Variants in CNTN5 observed in about 807,000 individuals in gnomAD.
The protein encoded by CNTN5 is contactin-5.
CNTN5 carries 77 observed loss-of-function variants against 129.1 expected under a neutral mutation model. That is an observed-to-expected ratio of 0.60 (90% CI 0.50 to 0.72). The LOEUF (loss-of-function observed/expected upper bound fraction) is 0.72. Among genes scored for constraint, CNTN5 ranks in the 30% least tolerant of loss-of-function variants. The pLI is 0.00. For synonymous variants in CNTN5, 509 were observed against 465.6 expected (o/e 1.09, Z -1.20); for missense variants, 1,478 against 1,328.8 (o/e 1.11, Z -1.75).
intron 2 of CNTN5, among the ~76,000 whole-genome samples, chr11:99,444,150 G>A (rs1256720150): frequency 6.6e-6 from 1 of 152,020 alleles, no homozygotes; most frequent in Non-Finnish European, 1.5e-5. Flanking sequence ...AGTGAGCCGA[G>A]ATCGCCCCAC....
intron 1 of CNTN5, among the ~76,000 whole-genome samples, chr11:99,251,052 C>T (rs934358319): frequency 1.3e-4 from 20 of 151,848 alleles, no homozygotes; most frequent in Admixed American, 1.3e-3. Context: ...ATAATGATAA[C>T]TTTGCCGATG....
chr11:99,564,187 T>C (rs1948933493), intron 3 of CNTN5, among the ~76,000 whole-genome samples: 1 of 152,172 alleles, frequency 6.6e-6, no homozygotes, highest in South Asian at 2.1e-4. Flanking sequence ...GATCAAGTGA[T>C]CTTCTCACTT....
At chr11:99,786,240 G>A (rs182246108) in intron 3 of CNTN5, among the ~76,000 whole-genome samples, 40 of 152,206 alleles carry the variant, frequency 2.6e-4, no homozygotes, top group African/African-American at 7.0e-4. Flanking sequence ...AATCATTAGT[G>A]AACTCCCATT....
intron 1 of CNTN5, among the ~76,000 whole-genome samples, chr11:99,093,434 A>G (rs1327498202): frequency 7.4e-6 from 1 of 135,744 alleles, no homozygotes; most frequent in Non-Finnish European, 1.6e-5. Context: ...ATGTGTTGCT[A>G]TTGTTTTTCT....
chr11:100,188,776 C>T (rs1316284635), intron 13 of CNTN5, among the ~76,000 whole-genome samples: 2 of 152,162 alleles, frequency 1.3e-5, no homozygotes, highest in African/African-American at 2.4e-5. Flanking sequence ...AAATGAAATA[C>T]TCATATGTTC....
chr11:99,623,920 GT>G (rs1345520090), intron 3 of CNTN5, among the ~76,000 whole-genome samples: 1 of 152,062 alleles, frequency 6.6e-6, no homozygotes, highest in Non-Finnish European at 1.5e-5. Flanking sequence ...TAAAAATACT[GT>G]TTAATGAAGA....
Position 100,253,552 on chromosome 11 carries a change from A to G in CNTN5, c.2006-2208A>G, listed in dbSNP as rs546825152. On this transcript the variant is annotated intron_variant, in intron 16 of 24. Transcript: ENST00000524871. ...TTAGTAAGCACCTTAATACAGTACA[A>G]TACAGTGAGATTATCACAGCTATTA... Among the ~76,000 whole-genome samples the G allele has an allele frequency of 2.6e-5, 4 of 152,282 alleles. No homozygotes were observed. The South Asian group carries it at 8.3e-4, about 32-fold the overall frequency.
chr11:99,796,648 G>T (rs1945951905), intron 3 of CNTN5, among the ~76,000 whole-genome samples: 1 of 151,630 alleles, frequency 6.6e-6, no homozygotes, highest in South Asian at 2.1e-4. Flanking sequence ...CAGACAGGGG[G>T]CTGCTCTGGT....
chr11:100,088,580 A>G (rs999079762), intron 13 of CNTN5, among the ~76,000 whole-genome samples: 7 of 152,144 alleles, frequency 4.6e-5, no homozygotes, highest in African/African-American at 9.6e-5. Context: ...ACAGAAATAC[A>G]TAAGATCCTC....
chr11:99,195,518 A>AC, intron 1 of CNTN5, among the ~76,000 whole-genome samples: 1 of 152,126 alleles, frequency 6.6e-6, no homozygotes, highest in Non-Finnish European at 1.5e-5. Flanking sequence ...ACCCTTCATT[A>AC]TTTTGGGGAG....
At chr11:99,954,065 C>A (rs187132471) in intron 7 of CNTN5, among the ~76,000 whole-genome samples, 1 of 152,112 alleles carries the variant, frequency 6.6e-6, no homozygotes, top group South Asian at 2.1e-4. Context: ...TTTGGCTAGC[C>A]GGTTTTCCCA....
intron 1 of CNTN5, among the ~76,000 whole-genome samples, chr11:99,134,167 C>T (rs1859101308): frequency 6.6e-6 from 1 of 152,090 alleles, no homozygotes; most frequent in South Asian, 2.1e-4. Context: ...AAACCACACA[C>T]CTCATGTTCT....
At chr11:100,121,414 T>C (rs1227980003) in intron 13 of CNTN5, among the ~76,000 whole-genome samples, 1 of 151,950 alleles carries the variant, frequency 6.6e-6, no homozygotes, top group Non-Finnish European at 1.5e-5. Context: ...GAGGAGATTT[T>C]TTTCTTCTTT....
chr11:99,036,163 T>C (rs1406355798), intron 1 of CNTN5, among the ~76,000 whole-genome samples: 2 of 152,168 alleles, frequency 1.3e-5, no homozygotes, highest in African/African-American at 4.8e-5. Context: ...CGTATCGAAA[T>C]GCCAGCTATT....
chr11:99,307,254 A>C (rs540886577), intron 1 of CNTN5, among the ~76,000 whole-genome samples: 1 of 152,164 alleles, frequency 6.6e-6, no homozygotes, highest in Non-Finnish European at 1.5e-5. Context: ...TTCAAGTTAA[A>C]TATTCTTTCT....
chr11:99,521,021 A>T (rs1448487092), intron 2 of CNTN5, among the ~76,000 whole-genome samples: 1 of 152,138 alleles, frequency 6.6e-6, no homozygotes, highest in East Asian at 1.9e-4. Flanking sequence ...TTTAAATCTC[A>T]TCACAACCAA....
intron 1 of CNTN5, among the ~76,000 whole-genome samples, chr11:99,174,554 A>G (rs1019449437): frequency 5.9e-5 from 9 of 152,124 alleles, no homozygotes; most frequent in African/African-American, 2.2e-4. Flanking sequence ...ATCATACCCC[A>G]TAGACTACAT....
rs887566928 is a variant in CNTN5 at position 99,957,967 on chromosome 11, T to A, written c.877+958T>A. Among the ~76,000 whole-genome samples, 4 of 151,936 alleles carry A rather than the reference T, an allele frequency of 2.6e-5. No homozygotes were observed. In the East Asian group the frequency reaches 7.7e-4, roughly 29 times the overall value. ...ACTTCATAAACTGTGAAGTATGTAT[T>A]ATATATACATATATAGATAGAGATA... On this transcript the variant is annotated intron_variant, in intron 8 of 24. Coordinates refer to ENST00000524871, the MANE Select transcript of CNTN5 (RefSeq NM_014361.4).
chr11:99,954,358 TA>T (rs5794032), intron 7 of CNTN5, among the ~76,000 whole-genome samples: 124,816 of 151,888 alleles, frequency 0.82, 51,378 homozygotes, highest in Admixed American at 0.86. Context: ...ACCATACTGT[TA>T]AAAAAAAACC....
Sources: allele counts gnomAD v4.1 joint callset (sites outside exome capture counted in the v4.1 genomes callset), GRCh38; gene constraint gnomAD v4.1.1; transcripts MANE v1.5; gene names NCBI Gene and HGNC (gene_info 2026-07-23, HGNC 2026-07-21).